The following SYTL3 variants were observed in gnomAD, a reference collection of about 807,000 sequenced individuals.
SYTL3 encodes the protein synaptotagmin-like protein 3.
In SYTL3, 88 loss-of-function variants were observed where a neutral mutation model predicts 82.1. The observed-to-expected ratio is 1.07, with a 90% confidence interval of 0.90 to 1.28. The LOEUF (loss-of-function observed/expected upper bound fraction) is 1.28, where lower values mean the gene tolerates loss of function less well. SYTL3 is among the 50% of genes most tolerant of loss of function. The pLI, the probability that SYTL3 is intolerant of heterozygous loss-of-function variation, is 0.00. For synonymous variants in SYTL3, 311 were observed against 289.4 expected (o/e 1.07, Z -0.76); for missense variants, 831 against 757.6 (o/e 1.10, Z -1.14).
chr6:158,672,915 G>A (rs1326600174), intron 5 of SYTL3, among the ~76,000 whole-genome samples: 4 of 151,944 alleles, frequency 2.6e-5, no homozygotes, highest in African/African-American at 4.8e-5. Context: ...AATTTCAGGC[G>A]TGAGCCACCT....
chr6:158,704,115 C>A (rs1321504307), intron 6 of SYTL3, among the ~76,000 whole-genome samples: 3 of 150,794 alleles, frequency 2.0e-5, no homozygotes, highest in Non-Finnish European at 4.4e-5. Flanking sequence ...ATGTGAGCCA[C>A]CACACCTGGC....
chr6:158,711,426 C>T (rs759737743), intron 8 of SYTL3, among the ~76,000 whole-genome samples: 8 of 152,118 alleles, frequency 5.3e-5, no homozygotes, highest in African/African-American at 7.2e-5. Context: ...CACGTGATCA[C>T]GGCAGCTGAG....
At chr6:158,726,521 C>A in intron 11 of SYTL3, 1 of 191,986 alleles carries the variant, frequency 5.2e-6, no homozygotes, top group South Asian at 1.1e-4. Flanking sequence ...CCTAGAGATC[C>A]AGCGGACTGA....
chr6:158,752,101 G>T, intron 13 of SYTL3, 71 bp downstream of exon 13: 1 of 1,039,952 alleles, frequency 9.6e-7, no homozygotes. Context: ...GCAGAGTCCA[G>T]TGGATGGTGC....
In SYTL3 at chr6:158,751,869, C is replaced by T. The variant is rs1788429338; in HGVS notation, c.1035-59C>T. 3.0e-6 allele frequency: 4 copies of T among 1,319,132 alleles called. No individual in the cohort carries two copies. The East Asian group carries it at 1.1e-4, about 35-fold the overall frequency. 81.7% of individuals were successfully genotyped at this position (1,319,132 alleles called of 1,614,324 possible). ...ATGTGGGTTCTCTGCTGCCCCCAAACTCTTTATCCACCCCTTTCCCTGAGT... is the reference window on the plus strand; with the variant it reads ...ATGTGGGTTCTCTGCTGCCCCCAAATTCTTTATCCACCCCTTTCCCTGAGT... On this transcript the variant is annotated intron_variant, in intron 12 of 17. Coordinates refer to ENST00000611299, the MANE Select transcript of SYTL3 (RefSeq NM_001242394.2).
chr6:158,764,338 G>A (rs1366151863), intron 17 of SYTL3, among the ~76,000 whole-genome samples, 157 bp from the exon 18 acceptor site: 1 of 152,222 alleles, frequency 6.6e-6, no homozygotes, highest in Non-Finnish European at 1.5e-5. Context: ...GCTTTGTTGG[G>A]GTGGGAGTGG....
At chr6:158,704,215 G>A (rs1781682901) in intron 6 of SYTL3, among the ~76,000 whole-genome samples, 1 of 152,206 alleles carries the variant, frequency 6.6e-6, no homozygotes, top group African/African-American at 2.4e-5. Flanking sequence ...AAGTTTCGTG[G>A]GAACGGGCAC....
chr6:158,729,328 C>G (rs569054428), intron 11 of SYTL3, among the ~76,000 whole-genome samples: 1 of 152,228 alleles, frequency 6.6e-6, no homozygotes, highest in South Asian at 2.1e-4. Flanking sequence ...GGCTCTAAGT[C>G]TCTTCCTCAC....
At chr6:158,693,990 G>A (rs1780288707) in intron 6 of SYTL3, among the ~76,000 whole-genome samples, 1 of 151,692 alleles carries the variant, frequency 6.6e-6, no homozygotes, top group Non-Finnish European at 1.5e-5. Flanking sequence ...ACTGTGCCTG[G>A]CCTGCTTTTA....
chr6:158,738,215 A>T (rs189033462), intron 11 of SYTL3, among the ~76,000 whole-genome samples: 1 of 152,242 alleles, frequency 6.6e-6, no homozygotes, highest in African/African-American at 2.4e-5. Context: ...AGCACTGCCC[A>T]GCAATCCTGA....
intron 12 of SYTL3, among the ~76,000 whole-genome samples, chr6:158,746,372 T>G (rs904116352): frequency 4.0e-5 from 6 of 151,558 alleles, no homozygotes; most frequent in African/African-American, 1.5e-4. Context: ...AAAATCTTGA[T>G]TCACACAATC....
At chr6:158,728,697 T>C (rs1020311415) in intron 11 of SYTL3, among the ~76,000 whole-genome samples, 1 of 151,064 alleles carries the variant, frequency 6.6e-6, no homozygotes, top group Non-Finnish European at 1.5e-5. Flanking sequence ...TCCCAGCACT[T>C]TGGGAGGCCA....
intron 11 of SYTL3, among the ~76,000 whole-genome samples, chr6:158,733,276 C>G (rs1020985557): frequency 6.6e-6 from 1 of 152,126 alleles, no homozygotes; most frequent in African/African-American, 2.4e-5. Flanking sequence ...TTTTCTAAGT[C>G]CTTTCACAAG....
chr6:158,690,884 C>T (rs1387753432), intron 6 of SYTL3, among the ~76,000 whole-genome samples: 1 of 152,206 alleles, frequency 6.6e-6, no homozygotes, highest in Non-Finnish European at 1.5e-5. Flanking sequence ...GACAACCTGG[C>T]ATCATCACCT....
At chr6:158,714,760 A>C (rs375781070) in intron 9 of SYTL3, among the ~76,000 whole-genome samples, 4 of 152,258 alleles carry the variant, frequency 2.6e-5, no homozygotes, top group South Asian at 4.2e-4. Context: ...GCTTCTCTTC[A>C]TCATCCCCTT....
chr6:158,691,645 T>C (rs1188920585), intron 6 of SYTL3, among the ~76,000 whole-genome samples: 1 of 151,130 alleles, frequency 6.6e-6, no homozygotes, highest in Admixed American at 6.6e-5. Flanking sequence ...ACAATATTAA[T>C]ATTAAACTTT....
At chr6:158,661,789 C>G (rs1185832330) in intron 3 of SYTL3, among the ~76,000 whole-genome samples, 2 of 152,224 alleles carry the variant, frequency 1.3e-5, no homozygotes, top group African/African-American at 4.8e-5. Context: ...TTTCATACCA[C>G]ATGATATGTT....
At chr6:158,654,796 C>T (rs1346014375) in intron 2 of SYTL3, among the ~76,000 whole-genome samples, 1 of 152,164 alleles carries the variant, frequency 6.6e-6, no homozygotes, top group East Asian at 1.9e-4. Flanking sequence ...AAAAGTGACA[C>T]AGAGACAGGA....
intron 13 of SYTL3, among the ~76,000 whole-genome samples, chr6:158,753,426 AT>A (rs1211022665): frequency 1.4e-4 from 21 of 151,228 alleles, no homozygotes; most frequent in Admixed American, 1.3e-3. Flanking sequence ...AGAACTGGGG[AT>A]TTTTTTAAAA....
Sources: gnomAD v4.1 joint callset for allele counts (sites outside exome capture counted in the v4.1 genomes callset) on GRCh38, gnomAD v4.1.1 for gene constraint, MANE v1.5 for transcripts, NCBI Gene and HGNC (gene_info 2026-07-23, HGNC 2026-07-21) for gene names.